LDAH: variants seen among roughly 807,000 people sequenced by gnomAD.
LDAH encodes lipid droplet associated hydrolase, also known as lipid droplet-associated hydrolase.
A neutral mutation model predicts 29.6 loss-of-function variants in LDAH; 26 were observed. The observed-to-expected ratio is 0.88, with a 90% CI of 0.64 to 1.22. The LOEUF is 1.22. Ranked by LOEUF, LDAH falls within the 50% of genes most tolerant of loss-of-function variation. The probability of loss-of-function intolerance (pLI) is 0.00; values close to 1 mark genes in which losing one functional copy is unlikely to be tolerated. For missense variants in LDAH, 344 were observed against 387.3 expected (o/e 0.89, Z 0.94); for synonymous variants, 117 against 133.0 (o/e 0.88, Z 0.83).
At chr2:20,798,608 T>C (rs1671466489) in intron 2 of LDAH, among the ~76,000 whole-genome samples, 1 of 149,086 alleles carries the variant, frequency 6.7e-6, no homozygotes, top group Non-Finnish European at 1.5e-5. Flanking sequence ...ATATAATACA[T>C]AGTCATAATA....
At chr2:20,718,621 T>C (rs1268953045) in intron 5 of LDAH, among the ~76,000 whole-genome samples, 1 of 152,144 alleles carries the variant, frequency 6.6e-6, no homozygotes, top group East Asian at 1.9e-4. Flanking sequence ...GGCAGAAAAT[T>C]AACAAAGAAA....
chr2:20,803,504 C>T (rs1385514881), intron 1 of LDAH, among the ~76,000 whole-genome samples: 2 of 152,240 alleles, frequency 1.3e-5, no homozygotes, highest in Non-Finnish European at 2.9e-5. Flanking sequence ...GCCTCTCCAA[C>T]TTGCAATTCC....
intron 1 of LDAH, among the ~76,000 whole-genome samples, chr2:20,815,289 T>C (rs116068079): frequency 0.02 from 3,081 of 152,106 alleles, 101 homozygotes; most frequent in African/African-American, 0.069. Context: ...ATCAGGGACT[T>C]GTAGGACAAT....
chr2:20,727,718 C>T (rs995199628), intron 5 of LDAH, among the ~76,000 whole-genome samples: 1 of 151,994 alleles, frequency 6.6e-6, no homozygotes, highest in Non-Finnish European at 1.5e-5. Flanking sequence ...CAGTGAAAAG[C>T]CTATTTTTCA....
intron 4 of LDAH, among the ~76,000 whole-genome samples, chr2:20,755,123 CTGTGTTTGTGTGTGTGTGTG>C (rs1668245852): frequency 2.3e-5 from 2 of 85,862 alleles, no homozygotes; most frequent in South Asian, 4.5e-4. Context: ...TATTGTGTGT[CTGTGTTTGTGTGTGTGTGTG>C]TGTGTGTGTG....
Position 20,685,413 on chromosome 2 carries a change from G to A in LDAH, c.*1490C>T, listed in dbSNP as rs909012510. The A allele has an allele frequency of 2.3e-5, 26 of 1,130,874 alleles. No individual in the cohort carries two copies. Among genetic ancestry groups the A allele is most frequent in the African/African-American group, 3.1e-5 (2 of 63,598 alleles). 70.1% of individuals were successfully genotyped at this position (1,130,874 alleles called of 1,614,324 possible). On this transcript the variant is annotated 3_prime_UTR_variant, in exon 7 of 7. Transcript: ENST00000237822. The stretch of plus-strand genomic sequence containing the variant: ...GATCTGTGTACAGCCCTGTGCTTAC[G>A]GCCTATGTATCTATTAGCTCTTCCC...
intron 5 of LDAH, among the ~76,000 whole-genome samples, chr2:20,710,656 TAC>T (rs1165720307): frequency 1.6e-5 from 2 of 127,976 alleles, no homozygotes; most frequent in Non-Finnish European, 3.4e-5. Context: ...TACATATATA[TAC>T]ACATATATAT....
intron 5 of LDAH, among the ~76,000 whole-genome samples, chr2:20,718,430 A>G (rs368716982): frequency 1.3e-5 from 2 of 150,768 alleles, no homozygotes; most frequent in African/African-American, 2.5e-5. Flanking sequence ...AGGCCATTAT[A>G]TAATTATAAA....
chr2:20,774,655 G>A (rs896712885), intron 4 of LDAH, among the ~76,000 whole-genome samples, 155 bp downstream of exon 4: 2 of 152,186 alleles, frequency 1.3e-5, no homozygotes, highest in Non-Finnish European at 2.9e-5. Context: ...TAAGCCCATC[G>A]TAATATGGAG....
chr2:20,686,595 T>A lies in LDAH; in HGVS notation c.*308A>T, dbSNP rs1463842925. On this transcript the variant is annotated 3_prime_UTR_variant, in exon 7 of 7. Transcript: ENST00000237822. ...CAAGTACATGTAGATTTTTTTTTCATCTGCAAAGATCCTGCCTACCAAAAT... is the reference window on the plus strand; with the variant it reads ...CAAGTACATGTAGATTTTTTTTTCAACTGCAAAGATCCTGCCTACCAAAAT... 1 of 211,416 alleles carries A rather than the reference T, an allele frequency of 4.7e-6. No individual in the cohort carries two copies. The highest frequency in any genetic ancestry group is 9.3e-6 in the Non-Finnish European group (1 of 107,216). 13.1% of individuals were successfully genotyped at this position (211,416 alleles called of 1,614,324 possible).
intron 5 of LDAH, among the ~76,000 whole-genome samples, chr2:20,711,951 G>A (rs1480679633): frequency 6.6e-6 from 1 of 152,230 alleles, no homozygotes; most frequent in Admixed American, 6.5e-5. Context: ...CACCTCTGAG[G>A]GCAGGGCATA....
At chr2:20,761,079 G>A (rs1668654566) in intron 4 of LDAH, among the ~76,000 whole-genome samples, 1 of 151,974 alleles carries the variant, frequency 6.6e-6, no homozygotes, top group African/African-American at 2.4e-5. Context: ...AGCTGAATTA[G>A]TATTGCTCCT....
intron 5 of LDAH, among the ~76,000 whole-genome samples, chr2:20,725,438 TACA>T (rs1377830021): frequency 1.3e-5 from 2 of 152,220 alleles, no homozygotes; most frequent in African/African-American, 2.4e-5. Flanking sequence ...TGCCAAGGGT[TACA>T]ACGCCTGAAG....
In LDAH at chr2:20,729,675, T is replaced by C. The variant is rs146616855; in HGVS notation, c.703+10296A>G. On this transcript the variant is annotated intron_variant, in intron 5 of 6. Coordinates refer to ENST00000237822, the MANE Select transcript of LDAH (RefSeq NM_021925.4). ...TTTTAATTCAACTTTTATTTTAAGATAGTTGTAGATTTACATGCAGGTGTA... is the reference window on the plus strand; with the variant it reads ...TTTTAATTCAACTTTTATTTTAAGACAGTTGTAGATTTACATGCAGGTGTA... Among the ~76,000 whole-genome samples the C allele has an allele frequency of 2.0e-3, 312 of 152,348 alleles. 1 individual carries two copies. Among genetic ancestry groups the C allele is most frequent in the African/African-American group, 7.0e-3 (293 of 41,584 alleles).
chr2:20,805,991 T>C (rs1672043273), intron 1 of LDAH, among the ~76,000 whole-genome samples: 1 of 152,078 alleles, frequency 6.6e-6, no homozygotes, highest in African/African-American at 2.4e-5. Flanking sequence ...AAATAATACA[T>C]CTTAATCAGC....
At position 20,698,268 on chromosome 2, in the gene LDAH, T is replaced by C. The variant is rs117280342; in HGVS notation, c.786+3302A>G. 1.5e-3 allele frequency among the ~76,000 whole-genome samples: 234 copies of C among 152,322 alleles called. 4 individuals carry two copies. The South Asian group carries it at 0.044, about 28-fold the overall frequency. ...ACCTCAACGTGGGGAAAGGTGAAGG[T>C]TGATTGTTTAAATACTGTGTGATAA... On this transcript the variant is annotated intron_variant, in intron 6 of 6. Coordinates refer to ENST00000237822, the MANE Select transcript of LDAH (RefSeq NM_021925.4). This position sits in a 1 kb window ranked among gnomAD's most constrained non-coding sequence, Gnocchi z 4.4.
intron 5 of LDAH, among the ~76,000 whole-genome samples, chr2:20,735,450 G>GC (rs959093452): frequency 6.7e-6 from 1 of 150,130 alleles, no homozygotes; most frequent in Non-Finnish European, 1.5e-5. Context: ...TTTCCACTCA[G>GC]TTTTTTTTTA....
At chr2:20,723,666 C>T (rs1232847999) in intron 5 of LDAH, among the ~76,000 whole-genome samples, 1 of 152,020 alleles carries the variant, frequency 6.6e-6, no homozygotes, top group African/African-American at 2.4e-5. Flanking sequence ...CTTTGTCATT[C>T]CTCAGAAATG....
At chr2:20,797,242 C>T (rs964511715) in intron 2 of LDAH, among the ~76,000 whole-genome samples, 6 of 152,128 alleles carry the variant, frequency 3.9e-5, no homozygotes, top group Non-Finnish European at 8.8e-5. Context: ...GAATCTTAGT[C>T]CAGCTGAGAA....
Sources: allele counts gnomAD v4.1 joint callset (sites outside exome capture counted in the v4.1 genomes callset), GRCh38; gene constraint gnomAD v4.1.1; non-coding constraint Gnocchi (gnomAD v3.1); transcripts MANE v1.5; gene names NCBI Gene and HGNC (gene_info 2026-07-23, HGNC 2026-07-21).